The following FHIT variants were observed in gnomAD, a reference collection of about 807,000 sequenced individuals.
FHIT encodes the protein fragile histidine triad diadenosine triphosphatase.
In FHIT, 19 loss-of-function variants were observed where a neutral mutation model predicts 17.9. The observed-to-expected ratio is 1.06, with a 90% confidence interval of 0.74 to 1.56. The LOEUF (loss-of-function observed/expected upper bound fraction) is 1.56, where lower values mean the gene tolerates loss of function less well. Ranked by LOEUF, FHIT falls within the 40% of genes most tolerant of loss-of-function variation. The pLI, the probability that FHIT is intolerant of heterozygous loss-of-function variation, is 0.00. For synonymous variants in FHIT, 81 were observed against 69.7 expected (o/e 1.16, Z -0.81); for missense variants, 248 against 189.2 (o/e 1.31, Z -1.82).
At chr3:60,881,367 G>T (rs2107128102) in intron 3 of FHIT, among the ~76,000 whole-genome samples, 1 of 152,282 alleles carries the variant, frequency 6.6e-6, no homozygotes, top group East Asian at 1.9e-4. Context: ...CTCATCACTG[G>T]ATAGGCCATC....
At chr3:59,963,521 G>A (rs941656481) in intron 7 of FHIT, among the ~76,000 whole-genome samples, 25 of 152,082 alleles carry the variant, frequency 1.6e-4, no homozygotes, top group African/African-American at 5.6e-4. Flanking sequence ...ATTAGAACTT[G>A]AATCTCATTC....
intron 5 of FHIT, among the ~76,000 whole-genome samples, chr3:60,270,343 C>A (rs1212438556): frequency 6.6e-6 from 1 of 152,264 alleles, no homozygotes. Context: ...ACATACAATC[C>A]CTATTTTGGT....
At chr3:59,890,165 G>A (rs939885236) in intron 8 of FHIT, among the ~76,000 whole-genome samples, 4 of 152,054 alleles carry the variant, frequency 2.6e-5, no homozygotes, top group Admixed American at 6.6e-5. Flanking sequence ...TTCCAAGTAC[G>A]AAATTAACTT....
At chr3:59,797,686 T>G (rs1699832149) in intron 8 of FHIT, among the ~76,000 whole-genome samples, 1 of 152,198 alleles carries the variant, frequency 6.6e-6, no homozygotes, top group Non-Finnish European at 1.5e-5. Context: ...AGATTTTAAT[T>G]CATTTAATAA....
At chr3:60,523,705 G>C (rs768630008) in intron 5 of FHIT, among the ~76,000 whole-genome samples, 6 of 152,162 alleles carry the variant, frequency 3.9e-5, no homozygotes, top group East Asian at 3.8e-4. Flanking sequence ...CCTTCTGTTA[G>C]ATTTCTCTCA....
chr3:60,661,051 T>C (rs1365973192), intron 4 of FHIT, among the ~76,000 whole-genome samples: 1 of 152,088 alleles, frequency 6.6e-6, no homozygotes, highest in East Asian at 1.9e-4. Context: ...GTTTGTTTTT[T>C]TATTTTTATT....
At chr3:60,779,516 A>T (rs1369802693) in intron 4 of FHIT, among the ~76,000 whole-genome samples, 5 of 152,204 alleles carry the variant, frequency 3.3e-5, no homozygotes, top group Non-Finnish European at 1.5e-5. Context: ...GAACTAACCA[A>T]AGCCAAGCAT....
intron 3 of FHIT, among the ~76,000 whole-genome samples, chr3:60,953,311 G>A (rs782163297): frequency 6.6e-6 from 1 of 152,090 alleles, no homozygotes; most frequent in Non-Finnish European, 1.5e-5. Context: ...ACGCAAGGAC[G>A]ATTTCCTTTC....
At chr3:59,795,027 A>T (rs1490724337) in intron 8 of FHIT, among the ~76,000 whole-genome samples, 1 of 152,226 alleles carries the variant, frequency 6.6e-6, no homozygotes. Context: ...AAGGATGAAG[A>T]GAATGCAATG....
chr3:60,801,529 A>G (rs954602988), intron 4 of FHIT, among the ~76,000 whole-genome samples: 2 of 152,316 alleles, frequency 1.3e-5, no homozygotes, highest in East Asian at 3.9e-4. Context: ...TGGCCTTCAC[A>G]TTGGCTCCTG....
At chr3:59,923,355 G>A (rs554774913) in intron 7 of FHIT, among the ~76,000 whole-genome samples, 2 of 151,856 alleles carry the variant, frequency 1.3e-5, no homozygotes, top group African/African-American at 2.4e-5. Context: ...CACCGGAAAT[G>A]AGGTTGCCTG....
At chr3:61,245,736 T>C (rs780347150) in intron 1 of FHIT, among the ~76,000 whole-genome samples, 1 of 152,116 alleles carries the variant, frequency 6.6e-6, no homozygotes, top group Non-Finnish European at 1.5e-5. Context: ...GTATACAACA[T>C]GATGTTTTGA....
intron 5 of FHIT, among the ~76,000 whole-genome samples, chr3:60,145,798 G>GT (rs1304468566): frequency 6.6e-6 from 1 of 152,114 alleles, no homozygotes; most frequent in African/African-American, 2.4e-5. Flanking sequence ...AGGTTACCTA[G>GT]TTTTTTCCCT....
At chr3:60,260,878 C>G (rs143633664) in intron 5 of FHIT, among the ~76,000 whole-genome samples, 52 of 152,090 alleles carry the variant, frequency 3.4e-4, no homozygotes, top group Non-Finnish European at 6.8e-4. Context: ...AATTACAATG[C>G]ATCAGTGTGC....
intron 5 of FHIT, among the ~76,000 whole-genome samples, chr3:60,511,875 A>G (rs985331238): frequency 6.6e-6 from 1 of 152,294 alleles, no homozygotes; most frequent in African/African-American, 2.4e-5. Context: ...CTGCTGTCAA[A>G]TTGGGCAAAT....
At chr3:59,899,675 A>G (rs1559711588) in intron 8 of FHIT, among the ~76,000 whole-genome samples, 1 of 150,800 alleles carries the variant, frequency 6.6e-6, no homozygotes, top group Non-Finnish European at 1.5e-5. Context: ...CTGTACTAAA[A>G]TACAAAAAAA....
chr3:60,206,506 A>G (rs1703198907), intron 5 of FHIT, among the ~76,000 whole-genome samples: 2 of 152,108 alleles, frequency 1.3e-5, no homozygotes, highest in East Asian at 3.8e-4. Flanking sequence ...TTGACTTAAC[A>G]TGCCAGAAAA....
At chr3:60,284,735 T>C (rs1345870625) in intron 5 of FHIT, among the ~76,000 whole-genome samples, 1 of 152,146 alleles carries the variant, frequency 6.6e-6, no homozygotes, top group Non-Finnish European at 1.5e-5. Context: ...GCAAATATTA[T>C]GACTCAAAGT....
At chr3:60,623,153 G>A (rs1559591540) in intron 4 of FHIT, among the ~76,000 whole-genome samples, 1 of 152,204 alleles carries the variant, frequency 6.6e-6, no homozygotes, top group Non-Finnish European at 1.5e-5. Context: ...GTAATCACTA[G>A]TCTGTTACAT....
Sources: allele counts gnomAD v4.1 joint callset (sites outside exome capture counted in the v4.1 genomes callset), GRCh38; gene constraint gnomAD v4.1.1; transcripts MANE v1.5; gene names NCBI Gene and HGNC (gene_info 2026-07-23, HGNC 2026-07-21).